GABRA3: variants seen among roughly 807,000 people sequenced by gnomAD.
GABRA3 encodes gamma-aminobutyric acid receptor subunit alpha-3.
A neutral mutation model predicts 30.1 loss-of-function variants in GABRA3; 10 were observed. The ratio of observed to expected loss-of-function variants is 0.33; its 90% CI spans 0.20 to 0.56. The LOEUF (loss-of-function observed/expected upper bound fraction) is 0.56, where lower values mean the gene tolerates loss of function less well. Ranked by LOEUF, GABRA3 falls within the 20% of genes least tolerant of loss-of-function variation. The probability of loss-of-function intolerance (pLI) is 0.89; values close to 1 mark genes in which losing one functional copy is unlikely to be tolerated. For synonymous variants in GABRA3, 151 were observed against 146.8 expected, an observed-to-expected ratio of 1.03 and a Z score of -0.21; for missense variants, 233 against 392.0, an observed-to-expected ratio of 0.59 and a Z score of 3.42.
At chrX:152,302,061 C>A (rs747229436) in intron 3 of GABRA3, among the ~76,000 whole-genome samples, 5 of 110,230 alleles carry the variant, frequency 4.5e-5, no homozygotes, top group Non-Finnish European at 7.6e-5. Flanking sequence ...TCTAAAAAGA[C>A]AATATATGAA....
chrX:152,181,797 T>A (rs962793694), intron 9 of GABRA3, among the ~76,000 whole-genome samples: 2 of 104,454 alleles, frequency 1.9e-5, no homozygotes, highest in African/African-American at 7.2e-5. Flanking sequence ...ATTGTGCACA[T>A]GTACCCTAAA....
Position 152,166,687 on chromosome X carries a change from C to A in GABRA3, c.*1541G>T, listed in dbSNP as rs1936940691. 9.0e-6 allele frequency: 1 copy of A among 110,808 alleles called. No individual in the cohort carries two copies. Among genetic ancestry groups the A allele is most frequent in the South Asian group, 3.9e-4 (1 of 2,585 alleles). 9.1% of individuals were successfully genotyped at this position (110,808 alleles called of 1,213,427 possible). A position where few individuals can be genotyped will look rare whatever the true frequency, so the allele number is the denominator to read the frequency against. On this transcript the variant is annotated 3_prime_UTR_variant, in exon 10 of 10. Coordinates refer to ENST00000370314, the MANE Select transcript of GABRA3 (RefSeq NM_000808.4). The stretch of plus-strand genomic sequence containing the variant: ...GGCTGCCATCATAAACAGTCTCATT[C>A]TCTTGGGCTGAGACTATTAAAAGTG...
intron 7 of GABRA3, among the ~76,000 whole-genome samples, chrX:152,204,411 A>T (rs1393265515): frequency 1.8e-5 from 2 of 111,229 alleles, no homozygotes; most frequent in African/African-American, 6.6e-5. Flanking sequence ...CAAAGTAGAA[A>T]GGGAGTGATC....
chrX:152,185,096 T>C lies in GABRA3; in HGVS notation c.1143+4634A>G, dbSNP rs1270615747. ...AGGAAGCAAAAAGGTTTAATATGTC[T>C]CCCTAATGGAAGAAAAAAGAAACTA... On this transcript the variant is annotated intron_variant, in intron 9 of 9. Coordinates refer to ENST00000370314, the MANE Select transcript of GABRA3 (RefSeq NM_000808.4). Among the ~76,000 whole-genome samples the C allele has an allele frequency of 2.7e-5, 3 of 111,855 alleles. No homozygotes were observed. The East Asian group carries it at 8.4e-4, about 31-fold the overall frequency.
At chrX:152,346,701 AAAG>A (rs1467997639) in intron 2 of GABRA3, among the ~76,000 whole-genome samples, 1 of 112,505 alleles carries the variant, frequency 8.9e-6, no homozygotes, top group Non-Finnish European at 1.9e-5. Flanking sequence ...ACATTTCTCA[AAAG>A]AAGACATACA....
In GABRA3 at chrX:152,224,773, C is replaced by T. The variant is rs369184693; in HGVS notation, c.624G>A (p.Lys208=). 1 of 1,184,386 alleles carries T rather than the reference C, an allele frequency of 8.4e-7. No individual in the cohort carries two copies. Among genetic ancestry groups the T allele is most frequent in the Non-Finnish European group, 1.1e-6 (1 of 875,006 alleles). Reference sequence around the variant, plus strand: ...AGAGAAAATACATACAGCTTCCAAACTTCAGTGGGCAGGCATGCACATCCA... The same window carrying T: ...AGAGAAAATACATACAGCTTCCAAATTTCAGTGGGCAGGCATGCACATCCA... ...FPMDVHACPL[K]FGSYAYTTAE... is the part of the protein sequence containing the mutation. The change falls in exon 6 of 10, where the codon AAG becomes AAA. Residue 208 remains lysine, a synonymous_variant. Coordinates refer to ENST00000370314, the MANE Select transcript of GABRA3 (RefSeq NM_000808.4).
intron 5 of GABRA3, among the ~76,000 whole-genome samples, chrX:152,230,637 A>T (rs1938050634): frequency 9.0e-6 from 1 of 111,240 alleles, no homozygotes; most frequent in Non-Finnish European, 1.9e-5. Context: ...AAAAAAATAG[A>T]AAATCCAGAA....
chrX:152,248,389 C>T lies in GABRA3; in HGVS notation c.551+7389G>A, dbSNP rs151012115. On this transcript the variant is annotated intron_variant, in intron 5 of 9. Coordinates refer to ENST00000370314, the MANE Select transcript of GABRA3 (RefSeq NM_000808.4). ...TAAATACCTCCCATATACAATCTGT[C>T]GTGCTCTTTCATCTTCTACTGACTT... Among the ~76,000 whole-genome samples, 1,106 of 111,483 alleles carry T rather than the reference C, an allele frequency of 9.9e-3. 14 individuals carry two copies. The highest frequency in any genetic ancestry group is 0.034 in the African/African-American group (1,046 of 30,740).
At position 152,251,156 on chromosome X, in the gene GABRA3, CT is replaced by C. The variant is rs1257743549; in HGVS notation, c.551+4621del. The C allele has an allele frequency of 9.2e-6, 3 of 327,150 alleles. No individual in the cohort carries two copies. The Admixed American group carries it at 1.0e-4, about 11-fold the overall frequency. The allele number at this position is 327,150 out of a possible 1,213,427, so 27.0% of individuals were successfully genotyped here. On this transcript the variant is annotated intron_variant, in intron 5 of 9. Transcript: ENST00000370314. The stretch of plus-strand genomic sequence containing the variant: ...CCGATGGCTTCATCATGCTTCTGTG[CT>C]TCTGTACTTCCTCTATTCTGTAAAA...
intron 5 of GABRA3, among the ~76,000 whole-genome samples, chrX:152,234,397 A>G (rs1938155012): frequency 9.1e-6 from 1 of 109,894 alleles, no homozygotes; most frequent in South Asian, 3.9e-4. Context: ...TAGTTTGCAT[A>G]TATGTTCTCT....
intron 5 of GABRA3, among the ~76,000 whole-genome samples, chrX:152,240,326 A>G (rs1414374699): frequency 3.1e-5 from 3 of 95,403 alleles, no homozygotes; most frequent in Non-Finnish European, 6.0e-5. Context: ...ATTGGCCCCC[A>G]CTCTCTTCTG....
At chrX:152,449,010 T>C (rs1277505099) in intron 1 of GABRA3, among the ~76,000 whole-genome samples, 6 of 111,617 alleles carry the variant, frequency 5.4e-5, no homozygotes, top group South Asian at 3.8e-4. Context: ...AAGTGGGCTA[T>C]TAGGCCATAT....
At chrX:152,225,133 C>A (rs1248694520) in intron 5 of GABRA3, among the ~76,000 whole-genome samples, 1 of 109,675 alleles carries the variant, frequency 9.1e-6, no homozygotes, top group Non-Finnish European at 1.9e-5. Context: ...CTTAGACACC[C>A]CCCCCAAGAA....
intron 3 of GABRA3, among the ~76,000 whole-genome samples, chrX:152,299,798 A>C (rs2124452107): frequency 8.9e-6 from 1 of 112,256 alleles, no homozygotes; most frequent in South Asian, 3.7e-4. Context: ...GAGAGTTAAA[A>C]CATGGAGAAG....
At position 152,241,462 on chromosome X, in the gene GABRA3, C is replaced by G. The variant is rs1197667887; in HGVS notation, c.551+14316G>C. ...AGAGGTTACTGCTGTCTTTTTGTTTCTCTGTGCCCTGCCCCCAGAGGTGGA... is the reference window on the plus strand; with the variant it reads ...AGAGGTTACTGCTGTCTTTTTGTTTGTCTGTGCCCTGCCCCCAGAGGTGGA... On this transcript the variant is annotated intron_variant, in intron 5 of 9. Transcript: ENST00000370314. 3.5e-3 allele frequency among the ~76,000 whole-genome samples: 370 copies of G among 106,343 alleles called. 1 individual carries two copies. Among genetic ancestry groups the G allele is most frequent in the African/African-American group, 0.01 (301 of 29,866 alleles). The allele number at this position is 106,343 out of a possible 115,157, so 92.3% of individuals were successfully genotyped here. A position where few individuals can be genotyped will look rare whatever the true frequency, so the allele number is the denominator to read the frequency against.
intron 9 of GABRA3, among the ~76,000 whole-genome samples, chrX:152,181,844 C>T (rs185865071): frequency 9.0e-6 from 1 of 110,675 alleles, no homozygotes; most frequent in Admixed American, 9.6e-5. Context: ...GAAAAAAGAT[C>T]AGGCCATCCA....
intron 1 of GABRA3, among the ~76,000 whole-genome samples, chrX:152,418,881 A>G (rs981875355): frequency 6.3e-5 from 7 of 111,499 alleles, no homozygotes; most frequent in Non-Finnish European, 1.1e-4. Context: ...GCAAAGACTT[A>G]GAACCAACCC....
intron 3 of GABRA3, among the ~76,000 whole-genome samples, chrX:152,289,076 A>G (rs11094569): frequency 0.17 from 18,716 of 107,807 alleles, 1,327 homozygotes; most frequent in African/African-American, 0.25. Flanking sequence ...CATTTGCCAG[A>G]CCCTACAGTA....
chrX:152,366,132 A>G (rs1469993986), intron 1 of GABRA3, among the ~76,000 whole-genome samples: 3 of 111,687 alleles, frequency 2.7e-5, no homozygotes, highest in Non-Finnish European at 1.9e-5. Context: ...GACAACTCCA[A>G]GCATAAGTAA....
Sources: gnomAD v4.1 joint callset for allele counts (sites outside exome capture counted in the v4.1 genomes callset) on GRCh38, gnomAD v4.1.1 for gene constraint, MANE v1.5 for transcripts, NCBI Gene and HGNC (gene_info 2026-07-23, HGNC 2026-07-21) for gene names.